RBFOX1: variants seen among roughly 807,000 people sequenced by gnomAD.
RBFOX1 encodes RNA binding protein fox-1 homolog 1.
Under a neutral mutation model 57.7 loss-of-function variants are expected in RBFOX1, and 8 were observed. That is an observed-to-expected ratio of 0.14 (90% CI 0.08 to 0.25). The LOEUF is 0.25. Among genes scored for constraint, RBFOX1 ranks in the 10% least tolerant of loss-of-function variants. RBFOX1 has a pLI of 1.00. For synonymous variants in RBFOX1, 326 were observed against 222.4 expected (o/e 1.47, Z -4.15); for missense variants, 611 against 548.5 (o/e 1.11, Z -1.14).
At chr16:6,296,579 C>A (rs555556679) in intron 1 of RBFOX1, among the ~76,000 whole-genome samples, 22 of 152,196 alleles carry the variant, frequency 1.4e-4, no homozygotes, top group African/African-American at 5.1e-4. Flanking sequence ...CACCACCACA[C>A]CTGGCTAATC....
intron 2 of RBFOX1, among the ~76,000 whole-genome samples, chr16:5,568,046 C>T (rs561883532): frequency 1.3e-5 from 2 of 152,206 alleles, no homozygotes; most frequent in South Asian, 2.1e-4. Context: ...CCCAGTGATG[C>T]ACTTTCACTA....
At chr16:7,247,082 C>G (rs970766634) in intron 4 of RBFOX1, among the ~76,000 whole-genome samples, 1 of 152,138 alleles carries the variant, frequency 6.6e-6, no homozygotes, top group Non-Finnish European at 1.5e-5. Flanking sequence ...TTGATTTAGG[C>G]TGCACTCAGT....
At chr16:6,723,022 T>C (rs1228087735) in intron 3 of RBFOX1, among the ~76,000 whole-genome samples, 1 of 152,074 alleles carries the variant, frequency 6.6e-6, no homozygotes, top group African/African-American at 2.4e-5. Flanking sequence ...CCATCAGAGA[T>C]AAGTGGAAAG....
At chr16:6,940,052 T>C (rs1404186983) in intron 3 of RBFOX1, among the ~76,000 whole-genome samples, 2 of 152,074 alleles carry the variant, frequency 1.3e-5, no homozygotes, top group Non-Finnish European at 2.9e-5. Context: ...CTGTCTCTAC[T>C]GAAAATACAA....
At chr16:6,752,473 C>G (rs1603542394) in intron 3 of RBFOX1, among the ~76,000 whole-genome samples, 1 of 152,208 alleles carries the variant, frequency 6.6e-6, no homozygotes, top group Admixed American at 6.5e-5. Context: ...ATGACATGCT[C>G]TGTCGCTGGA....
intron 1 of RBFOX1, among the ~76,000 whole-genome samples, chr16:6,243,142 G>C (rs1293177048): frequency 6.6e-6 from 1 of 151,038 alleles, no homozygotes; most frequent in Non-Finnish European, 1.5e-5. Context: ...TTATACGTGT[G>C]TCTGTGTGTG....
chr16:7,535,196 T>A (rs1182083058), intron 5 of RBFOX1, among the ~76,000 whole-genome samples: 1 of 152,208 alleles, frequency 6.6e-6, no homozygotes, highest in Non-Finnish European at 1.5e-5. Flanking sequence ...CACACCGTAA[T>A]GTATTGGATT....
chr16:6,670,259 G>C (rs886494582), intron 3 of RBFOX1, among the ~76,000 whole-genome samples: 1 of 152,002 alleles, frequency 6.6e-6, no homozygotes, highest in African/African-American at 2.4e-5. Flanking sequence ...TGTAGAGACG[G>C]GGTTTTCCCT....
At chr16:7,125,694 C>G (rs932449819) in intron 4 of RBFOX1, among the ~76,000 whole-genome samples, 2 of 146,910 alleles carry the variant, frequency 1.4e-5, no homozygotes, top group African/African-American at 2.5e-5. Flanking sequence ...AAATTTAACA[C>G]TTTTTTTTTT....
intron 3 of RBFOX1, among the ~76,000 whole-genome samples, chr16:6,806,836 A>ATATATATATTTTT (rs754342591): frequency 1.3e-4 from 12 of 91,876 alleles, no homozygotes; most frequent in African/African-American, 4.9e-4. Context: ...ATATATATAT[A>ATATATATATTTTT]TTTTTTTTTT....
At chr16:7,096,804 C>A (rs535429562) in intron 4 of RBFOX1, among the ~76,000 whole-genome samples, 2 of 151,792 alleles carry the variant, frequency 1.3e-5, no homozygotes, top group African/African-American at 4.8e-5. Context: ...TGATGGCTCT[C>A]CCCTGTAATC....
intron 1 of RBFOX1, among the ~76,000 whole-genome samples, chr16:5,273,761 G>T (rs1335934478): frequency 1.3e-5 from 2 of 152,110 alleles, no homozygotes; most frequent in Non-Finnish European, 2.9e-5. Context: ...ATAGCAGATG[G>T]CCCAAAAAAG....
chr16:6,654,679 T>G (rs1269272345), intron 3 of RBFOX1, 29 bp downstream of exon 3: 2 of 1,487,044 alleles, frequency 1.3e-6, no homozygotes, highest in Non-Finnish European at 1.8e-6. Flanking sequence ...TTTTTAGGGT[T>G]GCAAACAAAA....
chr16:7,044,023 G>A (rs540924421), intron 3 of RBFOX1, among the ~76,000 whole-genome samples: 4 of 152,266 alleles, frequency 2.6e-5, no homozygotes, highest in East Asian at 1.9e-4. Context: ...CACTTTCACT[G>A]TACAAATGTT....
intron 1 of RBFOX1, among the ~76,000 whole-genome samples, chr16:6,075,133 A>C (rs902252276): frequency 6.6e-6 from 1 of 152,170 alleles, no homozygotes; most frequent in Admixed American, 6.6e-5. Context: ...CATGCAGGGA[A>C]TGAAATTTGC....
chr16:5,864,297 A>AT (rs2057295034), intron 3 of RBFOX1, among the ~76,000 whole-genome samples: 1 of 152,192 alleles, frequency 6.6e-6, no homozygotes, highest in South Asian at 2.1e-4. Context: ...ACGAAGCTTT[A>AT]TTTTTTATCC....
intron 13 of RBFOX1, among the ~76,000 whole-genome samples, chr16:7,668,532 C>G (rs2070215545): frequency 1.3e-5 from 2 of 152,084 alleles, no homozygotes; most frequent in South Asian, 4.1e-4. Flanking sequence ...AACCCACTGC[C>G]TCTAGCCACA....
chr16:6,787,882 G>C (rs963757257), intron 3 of RBFOX1, among the ~76,000 whole-genome samples: 5 of 152,206 alleles, frequency 3.3e-5, no homozygotes, highest in Admixed American at 6.5e-5. Flanking sequence ...ACTATAGAGA[G>C]AAGTTTTAAT....
intron 1 of RBFOX1, among the ~76,000 whole-genome samples, chr16:6,257,161 T>A (rs1409239832): frequency 6.6e-6 from 1 of 152,186 alleles, no homozygotes; most frequent in African/African-American, 2.4e-5. Context: ...TGCAGGTTTG[T>A]TCCACAGGTA....
Sources: allele counts gnomAD v4.1 joint callset (sites outside exome capture counted in the v4.1 genomes callset), GRCh38; gene constraint gnomAD v4.1.1; transcripts MANE v1.5; gene names NCBI Gene and HGNC (gene_info 2026-07-23, HGNC 2026-07-21).